DMXL1: variants seen among roughly 807,000 people sequenced by gnomAD.
The protein encoded by DMXL1 is Dmx like 1.
DMXL1 carries 99 observed loss-of-function variants against 319.2 expected under a neutral mutation model. The ratio of observed to expected loss-of-function variants is 0.31; its 90% confidence interval spans 0.26 to 0.37. DMXL1 has a LOEUF of 0.37. DMXL1 is among the 10% of genes least tolerant of loss of function. The pLI is 1.00. For synonymous variants in DMXL1, 1,385 were observed against 1,235.2 expected (o/e 1.12, Z -2.54); for missense variants, 3,745 against 3,595.6 (o/e 1.04, Z -1.06).
At chr5:119,082,950 CAT>C (rs1245828433) in intron 1 of DMXL1, among the ~76,000 whole-genome samples, 1 of 152,168 alleles carries the variant, frequency 6.6e-6, no homozygotes, top group Non-Finnish European at 1.5e-5. Context: ...TGAATGAGAA[CAT>C]GTGATATATT....
rs150183978 is a variant in DMXL1 at position 119,112,568 on chromosome 5, T to G, written c.498-1907T>G. On this transcript the variant is annotated intron_variant, in intron 5 of 43. Coordinates refer to ENST00000539542, the MANE Select transcript of DMXL1 (RefSeq NM_001290321.3). ...CATATGTAGAATTTACAGAGGAGAT[T>G]TCAAAGGAGCTCGTTCCATGTATTT... 1.0e-3 allele frequency among the ~76,000 whole-genome samples: 158 copies of G among 152,218 alleles called. 1 individual carries two copies. The highest frequency in any genetic ancestry group is 3.7e-3 in the African/African-American group (154 of 41,512).
chr5:119,077,907 A>C (rs1307414553), intron 1 of DMXL1, among the ~76,000 whole-genome samples: 1 of 147,804 alleles, frequency 6.8e-6, no homozygotes, highest in African/African-American at 2.5e-5. Flanking sequence ...ACACGTATAT[A>C]TTTTTTAAGT....
intron 13 of DMXL1, among the ~76,000 whole-genome samples, chr5:119,134,964 G>A (rs4583917): frequency 0.53 from 80,732 of 152,058 alleles, 22,353 homozygotes; most frequent in East Asian, 0.97. Context: ...GGCAGCCTTC[G>A]GCTGTACCAA....
In DMXL1 at chr5:119,148,950, T is replaced by A. The variant is rs866765869; in HGVS notation, c.3123T>A (p.Thr1041=). Residue 1041 remains threonine, a synonymous_variant, in exon 18 of 44, where the codon ACT becomes ACA. Transcript: ENST00000539542. The part of the protein sequence containing the change: ...EDGLQSNSSI[T]VPGRPVEVSC... ...GACTTCAGAGCAATAGTAGTATAACTGTACCTGGTAGGCCTGTAGAAGTTA... is the reference window on the plus strand; with the variant it reads ...GACTTCAGAGCAATAGTAGTATAACAGTACCTGGTAGGCCTGTAGAAGTTA... The A allele has an allele frequency of 2.5e-6, 4 of 1,613,968 alleles. No individual in the cohort carries two copies. The Middle Eastern group carries it at 6.6e-4, about 266-fold the overall frequency.
Position 119,206,874 on chromosome 5 carries a change from T to G in DMXL1, c.7904T>G (p.Met2635Arg). The G allele has an allele frequency of 6.5e-7, 1 of 1,528,700 alleles. No individual in the cohort carries two copies. The highest frequency in any genetic ancestry group is 8.8e-7 in the Non-Finnish European group (1 of 1,141,806). 94.7% of individuals were successfully genotyped at this position (1,528,700 alleles called of 1,614,324 possible). ...DNSETIKNSM[M>R]EEPNINKIEA... ...AGTGAAACCATCAAAAATTCTATGA[T>G]GGAGGAGCCAAACATCAATAAGGTA... The change falls in exon 34 of 44, where the codon ATG becomes AGG. Residue 2635 changes from methionine (M) to arginine (R), a missense_variant. Coordinates refer to ENST00000539542, the MANE Select transcript of DMXL1 (RefSeq NM_001290321.3).
chr5:119,103,180 G>A (rs372114175), intron 3 of DMXL1, among the ~76,000 whole-genome samples: 7 of 151,856 alleles, frequency 4.6e-5, no homozygotes, highest in African/African-American at 1.7e-4. Context: ...TCTTAGGTAA[G>A]TCAGCCTTAA....
At chr5:119,091,039 T>C (rs1404999340) in intron 1 of DMXL1, among the ~76,000 whole-genome samples, 1 of 152,158 alleles carries the variant, frequency 6.6e-6, no homozygotes, top group East Asian at 1.9e-4. Flanking sequence ...ATTAACTTTT[T>C]CTGATAAATT....
chr5:119,133,586 T>C lies in DMXL1; in HGVS notation c.1662T>C (p.Asn554=). ...KSIMMYACTK[N]VDLAIQQGKQ... is the part of the protein sequence containing the mutation. ...TAATGATGTATGCCTGTACCAAGAA[T>C]GTTGACTTGGCTATTCAGCAGGGGA... The change falls in exon 12 of 44, where the codon AAT becomes AAC. Residue 554 remains asparagine (N), a synonymous_variant. Transcript: ENST00000539542. The C allele has an allele frequency of 6.2e-7, 1 of 1,614,218 alleles. No individual in the cohort carries two copies. Among genetic ancestry groups the C allele is most frequent in the South Asian group, 1.1e-5 (1 of 91,082 alleles).
Position 119,149,512 on chromosome 5 carries a change from G to A in DMXL1, c.3685G>A (p.Val1229Ile), listed in dbSNP as rs141079723. 1 of 1,613,968 alleles carries A rather than the reference G, an allele frequency of 6.2e-7. No homozygotes were observed. The highest frequency in any genetic ancestry group is 2.2e-5 in the East Asian group (1 of 44,872). Residue 1229 changes from valine to isoleucine, a missense_variant, in exon 18 of 44, where the codon GTA (valine) becomes ATA (isoleucine). Physicochemically the swap from Val to Ile is conservative, Grantham distance 29. Coordinates refer to ENST00000539542, the MANE Select transcript of DMXL1 (RefSeq NM_001290321.3). ...LSWVRDGILV[V>I]GMDCEMHVYC... is the part of the protein sequence containing the mutation. ...GTGGGTCCGGGATGGCATCCTTGTGGTAGGAATGGACTGTGAAATGCATGT... is the reference window on the plus strand; with the variant it reads ...GTGGGTCCGGGATGGCATCCTTGTGATAGGAATGGACTGTGAAATGCATGT...
chr5:119,102,297 A>T (rs1011700998), intron 3 of DMXL1: 1 of 242,074 alleles, frequency 4.1e-6, no homozygotes, highest in African/African-American at 2.3e-5. Context: ...CTTTATTGCT[A>T]GTATCAAATA....
chr5:119,198,974 C>T lies in DMXL1; in HGVS notation c.7745+1018C>T, dbSNP rs548510144. ...CAATCACAGCTCACTGCAGCCTCCA[C>T]CTCCTAGGCACAAACAGTCCTCCTG... is the stretch of plus-strand genomic sequence containing the variant. On this transcript the variant is annotated intron_variant, in intron 32 of 43. Transcript: ENST00000539542. Among the ~76,000 whole-genome samples the T allele has an allele frequency of 4.6e-5, 7 of 152,300 alleles. No homozygotes were observed. In the South Asian group the frequency reaches 1.0e-3, roughly 23 times the overall value.
intron 19 of DMXL1, among the ~76,000 whole-genome samples, chr5:119,157,868 T>C (rs1435302379): frequency 1.3e-5 from 2 of 152,240 alleles, no homozygotes; most frequent in Non-Finnish European, 2.9e-5. Flanking sequence ...ATGACATCAG[T>C]ATTTTGATAG....
intron 37 of DMXL1, 80 bp from the exon 38 acceptor site, chr5:119,224,629 T>C: frequency 1.9e-6 from 1 of 515,826 alleles, no homozygotes; most frequent in East Asian, 3.3e-5. Context: ...AATAAATGAA[T>C]GTTATTTGAA....
At chr5:119,145,441 CTT>C (rs923433501) in intron 15 of DMXL1, among the ~76,000 whole-genome samples, 1 of 151,662 alleles carries the variant, frequency 6.6e-6, no homozygotes, top group Non-Finnish European at 1.5e-5. Flanking sequence ...TGCAAATACA[CTT>C]TATGTGTTTT....
rs1358231938 is a variant in DMXL1, at chr5:119,101,994, AAAG to A, written c.276_278del (p.Lys93del). 16 of 1,600,110 alleles carry A rather than the reference AAAG, an allele frequency of 1.0e-5. No homozygotes were observed. Among genetic ancestry groups the A allele is most frequent in the Non-Finnish European group, 1.1e-5 (13 of 1,171,604 alleles). On this transcript the variant is annotated inframe_deletion, in exon 3 of 44. Transcript: ENST00000539542. Reference sequence around the variant, plus strand: ...TTGAACCAGTTAACCTACCAAAACAAAAGAAAAATTTGGTCAGTAATTTATGAT... The same window carrying A: ...TTGAACCAGTTAACCTACCAAAACAAAAAAATTTGGTCAGTAATTTATGAT...
At position 119,133,923 on chromosome 5, in the gene DMXL1, G is replaced by A. The variant is rs1332520418; in HGVS notation, c.1999G>A (p.Asp667Asn). The change falls in exon 12 of 44, where the codon GAT becomes AAT. Residue 667 changes from aspartate to asparagine, a missense_variant. Asp to Asn is a conservative substitution (Grantham distance 23). Around this residue, in one of 4 missense-constraint regions of DMXL1, gnomAD observed 2,096 missense variants for 1,985.4 expected, o/e 1.06. Transcript: ENST00000539542. ...TAATGCATTAAGGACACCAGATGTTGATAACCCAGAGCAACCTTTTGATGC... is the reference window on the plus strand; with the variant it reads ...TAATGCATTAAGGACACCAGATGTTAATAACCCAGAGCAACCTTTTGATGC... ...HHNALRTPDV[D>N]NPEQPFDALN... 1.2e-6 allele frequency: 2 copies of A among 1,614,172 alleles called. No homozygotes were observed. The highest frequency in any genetic ancestry group is 2.2e-5 in the South Asian group (2 of 91,078).
intron 41 of DMXL1, among the ~76,000 whole-genome samples, chr5:119,239,862 C>A (rs1295741708): frequency 3.3e-5 from 5 of 149,424 alleles, no homozygotes; most frequent in Non-Finnish European, 1.5e-5. Context: ...GGGGCTGAGG[C>A]AGGAGAATCG....
At chr5:119,150,942 C>G (rs987351532) in intron 18 of DMXL1, among the ~76,000 whole-genome samples, 1 of 151,296 alleles carries the variant, frequency 6.6e-6, no homozygotes, top group African/African-American at 2.4e-5. Flanking sequence ...AGCGAGTGCA[C>G]AAAGACTCGT....
chr5:119,074,285 G>A (rs763567281), intron 1 of DMXL1, among the ~76,000 whole-genome samples: 1 of 152,194 alleles, frequency 6.6e-6, no homozygotes, highest in Non-Finnish European at 1.5e-5. Flanking sequence ...AAACATTAAT[G>A]GTAGATGGTA....
Sources: gnomAD v4.1 joint callset for allele counts (sites outside exome capture counted in the v4.1 genomes callset) on GRCh38, gnomAD v4.1.1 for gene constraint, gnomAD v4.1.1 regional missense constraint, MANE v1.5 for transcripts, NCBI Gene and HGNC (gene_info 2026-07-23, HGNC 2026-07-21) for gene names.